DPYD: variants seen among roughly 807,000 people sequenced by gnomAD.
DPYD encodes the protein dihydropyrimidine dehydrogenase.
In DPYD, 109 loss-of-function variants were observed where a neutral mutation model predicts 116.2. That is an observed-to-expected ratio of 0.94 (90% CI 0.80 to 1.10). The LOEUF (loss-of-function observed/expected upper bound fraction) is 1.10, where lower values mean the gene tolerates loss of function less well. Among genes scored for constraint, DPYD ranks in the 50% least tolerant of loss-of-function variants. DPYD has a pLI of 0.00. For missense variants in DPYD, 1,302 were observed against 1,254.5 expected (o/e 1.04, Z -0.57); for synonymous variants, 440 against 432.0 (o/e 1.02, Z -0.23).
chr1:97,218,802 T>C (rs1455464535), intron 19 of DPYD, among the ~76,000 whole-genome samples: 1 of 152,132 alleles, frequency 6.6e-6, no homozygotes, highest in Non-Finnish European at 1.5e-5. Context: ...AGGGTCTAGT[T>C]TGTTGTGAAC....
intron 18 of DPYD, among the ~76,000 whole-genome samples, chr1:97,292,334 G>T (rs1666248167): frequency 6.6e-6 from 1 of 152,124 alleles, no homozygotes; most frequent in Non-Finnish European, 1.5e-5. Context: ...GGAGACCTCA[G>T]GAAACTTACA....
chr1:97,206,682 AT>A lies in DPYD; in HGVS notation c.2443-13435del, dbSNP rs1557938284. ...TATATATATATATATATATATATAT[AT>A]ATATAATCTATATGCTTATAATGCA... On this transcript the variant is annotated intron_variant, in intron 19 of 22. Coordinates refer to ENST00000370192, the MANE Select transcript of DPYD (RefSeq NM_000110.4). Among the ~76,000 whole-genome samples, 210 of 87,694 alleles carry A rather than the reference AT, an allele frequency of 2.4e-3. 8 individuals are homozygous for A. Among genetic ancestry groups the A allele is most frequent in the East Asian group, 0.017 (24 of 1,420 alleles). 57.5% of individuals were successfully genotyped at this position (87,694 alleles called of 152,430 possible).
intron 14 of DPYD, among the ~76,000 whole-genome samples, chr1:97,410,554 G>C (rs960091388): frequency 1.9e-4 from 29 of 152,134 alleles, no homozygotes; most frequent in African/African-American, 6.7e-4. Context: ...AGAATACTTT[G>C]GTTTTAAACA....
At chr1:97,642,842 T>C (rs1049762175) in intron 8 of DPYD, among the ~76,000 whole-genome samples, 5 of 151,462 alleles carry the variant, frequency 3.3e-5, no homozygotes, top group Admixed American at 3.3e-4. Context: ...GTAACTAACC[T>C]GCACATTGTG....
intron 19 of DPYD, among the ~76,000 whole-genome samples, chr1:97,200,231 T>A (rs1191913364): frequency 6.6e-6 from 1 of 152,160 alleles, no homozygotes; most frequent in Non-Finnish European, 1.5e-5. Flanking sequence ...TTTCTTATCA[T>A]ACAGGTGGAT....
chr1:97,881,357 T>C (rs1011404344), intron 2 of DPYD, among the ~76,000 whole-genome samples: 2 of 151,996 alleles, frequency 1.3e-5, no homozygotes, highest in African/African-American at 4.8e-5. Context: ...GATCTGGGAC[T>C]CCTAACCTCC....
intron 20 of DPYD, among the ~76,000 whole-genome samples, chr1:97,117,564 TA>T (rs1306578995): frequency 2.0e-5 from 3 of 152,204 alleles, no homozygotes; most frequent in Admixed American, 1.3e-4. Context: ...ATTGTATACA[TA>T]TTGCAAGAAA....
chr1:97,117,090 G>A (rs1652033613), intron 20 of DPYD, among the ~76,000 whole-genome samples: 1 of 151,798 alleles, frequency 6.6e-6, no homozygotes, highest in African/African-American at 2.4e-5. Context: ...CTTGAACCCT[G>A]GAGGCAGAGG....
At chr1:97,401,480 AT>A (rs1365859334) in intron 14 of DPYD, among the ~76,000 whole-genome samples, 21 of 151,848 alleles carry the variant, frequency 1.4e-4, no homozygotes, top group Non-Finnish European at 2.8e-4. Flanking sequence ...TGTCCAGCTA[AT>A]TTTTGTATTT....
intron 14 of DPYD, among the ~76,000 whole-genome samples, chr1:97,438,337 C>T (rs1675580969): frequency 6.6e-6 from 1 of 151,978 alleles, no homozygotes; most frequent in South Asian, 2.1e-4. Flanking sequence ...ATAGTGGCTC[C>T]TCTGATCTAT....
At chr1:97,904,801 C>A (rs950584969) in intron 1 of DPYD, among the ~76,000 whole-genome samples, 1 of 151,970 alleles carries the variant, frequency 6.6e-6, no homozygotes. Flanking sequence ...TCTTGTTAAT[C>A]CATCTTTCAT....
chr1:97,686,426 G>A (rs910748010), intron 7 of DPYD, among the ~76,000 whole-genome samples: 10 of 151,504 alleles, frequency 6.6e-5, no homozygotes, highest in African/African-American at 2.2e-4. Context: ...CACGAGGTCA[G>A]GAGATCGAGA....
chr1:97,305,188 C>T (rs1227490945), intron 18 of DPYD, 71 bp downstream of exon 18: 2 of 1,608,640 alleles, frequency 1.2e-6, no homozygotes, highest in Non-Finnish European at 1.7e-6. Flanking sequence ...GCACAAAACT[C>T]TTGCAACATG....
chr1:97,422,241 T>C (rs1459663720), intron 14 of DPYD, among the ~76,000 whole-genome samples: 3 of 152,188 alleles, frequency 2.0e-5, no homozygotes, highest in African/African-American at 7.2e-5. Context: ...TTTTAGAAAA[T>C]GTGCATTTCA....
chr1:97,323,284 A>G lies in DPYD; in HGVS notation c.2059-16987T>C, dbSNP rs36143880. Among the ~76,000 whole-genome samples, 485 of 145,362 alleles carry G rather than the reference A, an allele frequency of 3.3e-3. 20 individuals are homozygous for G. Among genetic ancestry groups the G allele is most frequent in the African/African-American group, 0.012 (464 of 37,682 alleles). ...TACATATGTGTATATGTACACGTAT[A>G]TATACATATGTGTATATGTACACGT... On this transcript the variant is annotated intron_variant, in intron 16 of 22. Coordinates refer to ENST00000370192, the MANE Select transcript of DPYD (RefSeq NM_000110.4).
Position 97,332,611 on chromosome 1 carries a change from T to C in DPYD, c.2059-26314A>G, listed in dbSNP as rs142716635. Among the ~76,000 whole-genome samples the C allele has an allele frequency of 2.0e-4, 30 of 152,290 alleles. 1 individual carries two copies. The East Asian group carries it at 3.7e-3, about 19-fold the overall frequency. On this transcript the variant is annotated intron_variant, in intron 16 of 22. Coordinates refer to ENST00000370192, the MANE Select transcript of DPYD (RefSeq NM_000110.4). ...TTCAAGATAGTTACCAACAAAACGATAGTGGTGCCTTGTCATGTAATAGAA... is the reference window on the plus strand; with the variant it reads ...TTCAAGATAGTTACCAACAAAACGACAGTGGTGCCTTGTCATGTAATAGAA...
At chr1:97,640,592 A>G (rs1174017171) in intron 8 of DPYD, among the ~76,000 whole-genome samples, 4 of 152,168 alleles carry the variant, frequency 2.6e-5, no homozygotes, top group African/African-American at 9.7e-5. Flanking sequence ...TATAGGTGTG[A>G]GCCACTGTGC....
intron 12 of DPYD, among the ~76,000 whole-genome samples, chr1:97,528,769 A>G (rs1179182556): frequency 6.6e-6 from 1 of 152,070 alleles, no homozygotes; most frequent in Non-Finnish European, 1.5e-5. Context: ...TCTCTTTGCC[A>G]CTATTATCTC....
chr1:97,679,072 A>G (rs1407613116), intron 8 of DPYD, 23 bp downstream of exon 8: 3 of 1,131,170 alleles, frequency 2.7e-6, no homozygotes, highest in Non-Finnish European at 3.7e-6. Context: ...ATAAATAAAT[A>G]TATTTAAGAG....
Sources: gnomAD v4.1 joint callset for allele counts (sites outside exome capture counted in the v4.1 genomes callset) on GRCh38, gnomAD v4.1.1 for gene constraint, MANE v1.5 for transcripts, NCBI Gene and HGNC (gene_info 2026-07-23, HGNC 2026-07-21) for gene names.